The following SPAG9 variants were observed in gnomAD, a reference collection of about 807,000 sequenced individuals.
SPAG9 encodes the protein C-Jun-amino-terminal kinase-interacting protein 4.
Under a neutral mutation model 166.5 loss-of-function variants are expected in SPAG9, and 35 were observed. The ratio of observed to expected loss-of-function variants is 0.21; its 90% CI spans 0.16 to 0.28. SPAG9 has a LOEUF of 0.28. SPAG9 is among the 10% of genes least tolerant of loss of function. SPAG9 has a pLI of 1.00. For synonymous variants in SPAG9, 534 were observed against 565.5 expected, an observed-to-expected ratio of 0.94 and a Z score of 0.79; for missense variants, 1,235 against 1,603.3, an observed-to-expected ratio of 0.77 and a Z score of 3.92.
At chr17:51,078,510 C>T (rs920147846) in intron 2 of SPAG9, among the ~76,000 whole-genome samples, 1 of 152,038 alleles carries the variant, frequency 6.6e-6, no homozygotes, top group Non-Finnish European at 1.5e-5. Flanking sequence ...GCCTGGCCAT[C>T]CTTTGCTCCC....
chr17:50,982,454 T>C (rs1974732833), intron 25 of SPAG9, 70 bp downstream of exon 25: 12 of 1,374,610 alleles, frequency 8.7e-6, no homozygotes, highest in Non-Finnish European at 1.2e-5. Flanking sequence ...AAGCTGAAAA[T>C]AATTATAGTC....
chr17:51,012,585 T>C (rs1389206735), intron 9 of SPAG9, among the ~76,000 whole-genome samples: 5 of 151,484 alleles, frequency 3.3e-5, no homozygotes, highest in Non-Finnish European at 7.4e-5. Context: ...AAAAAAAGAA[T>C]TACAACTTTC....
At chr17:50,976,151 T>A (rs969197347) in intron 27 of SPAG9, among the ~76,000 whole-genome samples, 1 of 151,992 alleles carries the variant, frequency 6.6e-6, no homozygotes, top group Non-Finnish European at 1.5e-5. Flanking sequence ...AATAAAGCAA[T>A]TTTAGTGAAT....
intron 2 of SPAG9, among the ~76,000 whole-genome samples, chr17:51,078,245 C>T (rs2048070135): frequency 6.6e-6 from 1 of 152,194 alleles, no homozygotes; most frequent in Admixed American, 6.5e-5. Context: ...CTTCTGTTAC[C>T]AAACATCCAT....
chr17:50,966,686 T>C (rs977995501), intron 29 of SPAG9, among the ~76,000 whole-genome samples: 9 of 152,210 alleles, frequency 5.9e-5, no homozygotes, highest in Non-Finnish European at 8.8e-5. Context: ...GGTCCAGACA[T>C]GGGAAGCTAA....
intron 6 of SPAG9, among the ~76,000 whole-genome samples, chr17:51,022,401 T>C (rs1458354286): frequency 6.6e-6 from 1 of 152,156 alleles, no homozygotes; most frequent in Non-Finnish European, 1.5e-5. Flanking sequence ...TTATAGGATC[T>C]ACAGATAGGT....
intron 24 of SPAG9, among the ~76,000 whole-genome samples, chr17:50,983,802 G>A (rs1026329973): frequency 4.7e-4 from 72 of 151,988 alleles, no homozygotes; most frequent in African/African-American, 1.6e-3. Context: ...GGATGACCAT[G>A]GAACTTTCTT....
At chr17:51,049,028 T>C (rs1314934450) in intron 3 of SPAG9, among the ~76,000 whole-genome samples, 1 of 152,160 alleles carries the variant, frequency 6.6e-6, no homozygotes, top group Non-Finnish European at 1.5e-5. Flanking sequence ...GAAACTAATA[T>C]AACAAAGTGA....
rs1387477182 is a variant in SPAG9, at chr17:51,069,784, C to T, written c.424+9800G>A. On this transcript the variant is annotated intron_variant, in intron 2 of 29. Coordinates refer to ENST00000262013, the MANE Select transcript of SPAG9 (RefSeq NM_001130528.3). ...GTATTTTACTAGACTAAGATCCTGA[C>T]ACAAGATGTAAAAAGCAAAGGAATG... Among the ~76,000 whole-genome samples the T allele has an allele frequency of 2.0e-5, 3 of 151,816 alleles. No individual in the cohort carries two copies. The East Asian group carries it at 5.8e-4, about 29-fold the overall frequency.
chr17:51,029,793 G>C (rs1457589165), intron 6 of SPAG9, among the ~76,000 whole-genome samples: 1 of 152,196 alleles, frequency 6.6e-6, no homozygotes. Flanking sequence ...TATTTAATGA[G>C]TGCAGAGTTT....
rs143626363 is a variant in SPAG9 at position 51,001,528 on chromosome 17, C to T, written c.1607+187G>A. Among the ~76,000 whole-genome samples, 10 of 152,296 alleles carry T rather than the reference C, an allele frequency of 6.6e-5. No individual in the cohort carries two copies. The East Asian group carries it at 1.5e-3, about 24-fold the overall frequency. On this transcript the variant is annotated intron_variant, in intron 13 of 29. Transcript: ENST00000262013. ...TAGTAACATCCTCCAAGATCCCTTACTGGCCCAAAAAGCACCTCCTTTGAT... is the reference window on the plus strand; with the variant it reads ...TAGTAACATCCTCCAAGATCCCTTATTGGCCCAAAAAGCACCTCCTTTGAT...
At chr17:51,091,492 T>G (rs557748677) in intron 1 of SPAG9, among the ~76,000 whole-genome samples, 52 of 151,816 alleles carry the variant, frequency 3.4e-4, no homozygotes, top group African/African-American at 8.0e-4. Flanking sequence ...TTTCTGTTTT[T>G]TTGTTGTTGT....
chr17:50,978,661 T>C (rs926714861), intron 26 of SPAG9, among the ~76,000 whole-genome samples: 15 of 152,140 alleles, frequency 9.9e-5, no homozygotes, highest in African/African-American at 3.6e-4. Flanking sequence ...ATTATGACAG[T>C]TAGGCTATGA....
intron 16 of SPAG9, chr17:50,996,311 G>A: frequency 7.0e-6 from 3 of 425,630 alleles, no homozygotes; most frequent in Non-Finnish European, 1.3e-5. Flanking sequence ...AGCAGAGCGG[G>A]TACCTCAAAC....
intron 29 of SPAG9, among the ~76,000 whole-genome samples, chr17:50,969,907 T>A (rs573675001): frequency 6.6e-6 from 1 of 152,220 alleles, no homozygotes; most frequent in East Asian, 1.9e-4. Context: ...TTTATTAACA[T>A]GTCTCTATCT....
At chr17:51,047,672 C>T (rs1368905411) in intron 3 of SPAG9, among the ~76,000 whole-genome samples, 3 of 126,976 alleles carry the variant, frequency 2.4e-5, no homozygotes, top group African/African-American at 6.0e-5. Flanking sequence ...CTGGTGTCCA[C>T]AAAAGTAGCT....
At chr17:51,044,654 C>A (rs2046957154) in intron 4 of SPAG9, among the ~76,000 whole-genome samples, 1 of 152,166 alleles carries the variant, frequency 6.6e-6, no homozygotes, top group South Asian at 2.1e-4. Context: ...TACATTATCG[C>A]ATTTAATCCT....
chr17:51,007,110 G>GGTGTGTGTGTGTGTGTGT (rs3075108), intron 10 of SPAG9, among the ~76,000 whole-genome samples, 159 bp downstream of exon 10: 1 of 145,902 alleles, frequency 6.9e-6, no homozygotes, highest in African/African-American at 2.5e-5. Flanking sequence ...CCAACATTAG[G>GGTGTGTGTGTGTGTGTGT]GTGTGTGTGT....
Position 51,120,009 on chromosome 17 carries a change from C to T in SPAG9, c.303+345G>A, listed in dbSNP as rs2049426719. ...AACTTTGAACCGCCATCTGACTATCCCACGGTGGTCGGAAACTTCCCTCAA... is the reference window on the plus strand; with the variant it reads ...AACTTTGAACCGCCATCTGACTATCTCACGGTGGTCGGAAACTTCCCTCAA... On this transcript the variant is annotated intron_variant, in intron 1 of 29. Coordinates refer to ENST00000262013, the MANE Select transcript of SPAG9 (RefSeq NM_001130528.3). This position sits in a 1 kb window ranked among gnomAD's most constrained non-coding sequence, Gnocchi z 4.7. Among the ~76,000 whole-genome samples the T allele has an allele frequency of 6.6e-6, 1 of 152,202 alleles. No individual in the cohort carries two copies. The highest frequency in any genetic ancestry group is 6.5e-5 in the Admixed American group (1 of 15,274).
Sources: gnomAD v4.1 joint callset for allele counts (sites outside exome capture counted in the v4.1 genomes callset) on GRCh38, gnomAD v4.1.1 for gene constraint, Gnocchi (gnomAD v3.1) non-coding constraint, MANE v1.5 for transcripts, NCBI Gene and HGNC (gene_info 2026-07-23, HGNC 2026-07-21) for gene names.